Variants in DLG2 observed in about 807,000 individuals in gnomAD.
DLG2 encodes the protein discs large MAGUK scaffold protein 2.
In DLG2, 45 loss-of-function variants were observed where a neutral mutation model predicts 132.5. That is an observed-to-expected ratio of 0.34 (90% CI 0.27 to 0.44). The LOEUF (loss-of-function observed/expected upper bound fraction) is 0.44. DLG2 is among the 20% of genes least tolerant of loss of function. The probability of loss-of-function intolerance (pLI) is 1.00; values close to 1 mark genes in which losing one functional copy is unlikely to be tolerated. For missense variants in DLG2, 1,045 were observed against 1,196.9 expected (o/e 0.87, Z 1.87); for synonymous variants, 424 against 419.6 (o/e 1.01, Z -0.13).
At chr11:85,340,406 G>T (rs1247645859) in intron 3 of DLG2, among the ~76,000 whole-genome samples, 1 of 152,024 alleles carries the variant, frequency 6.6e-6, no homozygotes, top group African/African-American at 2.4e-5. Flanking sequence ...ACCAAACACT[G>T]CATGTTCTCA....
chr11:84,539,669 C>T (rs374355122), intron 6 of DLG2, among the ~76,000 whole-genome samples: 3 of 152,096 alleles, frequency 2.0e-5, no homozygotes, highest in South Asian at 2.1e-4. Context: ...GCCATTTTCA[C>T]GATATTGATT....
chr11:85,501,720 T>C (rs1387097845), intron 3 of DLG2, among the ~76,000 whole-genome samples: 1 of 152,134 alleles, frequency 6.6e-6, no homozygotes, highest in African/African-American at 2.4e-5. Context: ...CACAATTAGA[T>C]ACCATCTCAC....
At chr11:84,844,205 T>C (rs2154013916) in intron 6 of DLG2, among the ~76,000 whole-genome samples, 2 of 145,110 alleles carry the variant, frequency 1.4e-5, no homozygotes, top group South Asian at 4.4e-4. Flanking sequence ...AATATGATGA[T>C]GATGATGGTG....
At chr11:85,473,155 G>A (rs2093038577) in intron 3 of DLG2, among the ~76,000 whole-genome samples, 1 of 152,194 alleles carries the variant, frequency 6.6e-6, no homozygotes, top group Non-Finnish European at 1.5e-5. Flanking sequence ...GCAGTAGCCG[G>A]CACACCTGGC....
chr11:85,435,387 T>C (rs1366983742), intron 3 of DLG2, among the ~76,000 whole-genome samples: 2 of 152,194 alleles, frequency 1.3e-5, no homozygotes, highest in African/African-American at 4.8e-5. Flanking sequence ...TGTTTGCAGA[T>C]GACATATTCC....
intron 2 of DLG2, 88 bp from the exon 3 acceptor site, chr11:85,598,876 T>G (rs2079962118): frequency 2.5e-6 from 1 of 404,704 alleles, no homozygotes; most frequent in African/African-American, 2.1e-5. Flanking sequence ...TGTTCCTAAC[T>G]TAATGACATG....
At chr11:85,161,493 T>G (rs1045217081) in intron 4 of DLG2, among the ~76,000 whole-genome samples, 3 of 152,178 alleles carry the variant, frequency 2.0e-5, no homozygotes, top group Non-Finnish European at 4.4e-5. Flanking sequence ...TCTTCCATCA[T>G]GGAAAAGGCA....
intron 19 of DLG2, among the ~76,000 whole-genome samples, chr11:83,611,775 A>T (rs2153411661): frequency 6.6e-6 from 1 of 152,330 alleles, no homozygotes; most frequent in East Asian, 1.9e-4. Flanking sequence ...ACTGATACTG[A>T]ACTGAAGGAC....
intron 8 of DLG2, among the ~76,000 whole-genome samples, chr11:84,191,535 A>T (rs2096407663): frequency 6.6e-6 from 1 of 152,230 alleles, no homozygotes; most frequent in Non-Finnish European, 1.5e-5. Context: ...ACTTCCTCAA[A>T]GTTAAAAGAA....
chr11:85,144,661 A>C (rs915545507), intron 5 of DLG2, among the ~76,000 whole-genome samples: 11 of 151,962 alleles, frequency 7.2e-5, no homozygotes, highest in African/African-American at 2.7e-4. Context: ...AACTAATGAC[A>C]ACCTAACTGA....
intron 18 of DLG2, among the ~76,000 whole-genome samples, chr11:83,634,590 TTTCAA>T (rs530084216): frequency 2.9e-4 from 44 of 152,272 alleles, no homozygotes; most frequent in African/African-American, 9.9e-4. Context: ...ACAATTTGAT[TTTCAA>T]TTCAATTTAT....
chr11:84,060,734 C>T (rs7924443), intron 10 of DLG2, among the ~76,000 whole-genome samples: 120,774 of 151,938 alleles, frequency 0.79, 49,221 homozygotes, highest in Middle Eastern at 0.92. Flanking sequence ...CTCTGTATAT[C>T]CATTCTAGTG....
intron 4 of DLG2, among the ~76,000 whole-genome samples, chr11:85,156,985 A>G (rs1327647915): frequency 2.6e-5 from 4 of 152,208 alleles, no homozygotes; most frequent in Admixed American, 2.6e-4. Context: ...AAAGATTAAC[A>G]TTTGAGTGAG....
intron 8 of DLG2, among the ~76,000 whole-genome samples, chr11:84,196,121 T>A (rs2096511390): frequency 6.6e-6 from 1 of 152,212 alleles, no homozygotes; most frequent in Non-Finnish European, 1.5e-5. Flanking sequence ...TTTTAAAAAA[T>A]TTAACCCCAA....
At chr11:84,086,358 A>T (rs2096980023) in intron 10 of DLG2, among the ~76,000 whole-genome samples, 1 of 152,236 alleles carries the variant, frequency 6.6e-6, no homozygotes, top group Non-Finnish European at 1.5e-5. Context: ...TTGAGATATA[A>T]TTCACATACT....
At chr11:84,409,816 A>T (rs983981278) in intron 7 of DLG2, among the ~76,000 whole-genome samples, 2 of 152,298 alleles carry the variant, frequency 1.3e-5, no homozygotes, top group African/African-American at 4.8e-5. Flanking sequence ...AAAATGGTTC[A>T]TTTGTATGTT....
intron 6 of DLG2, among the ~76,000 whole-genome samples, chr11:84,539,564 G>A (rs1440631326): frequency 2.0e-5 from 3 of 152,148 alleles, no homozygotes; most frequent in African/African-American, 7.2e-5. Flanking sequence ...TGTTGAAGGG[G>A]ACTTGAGTAA....
rs541246520 is a variant in DLG2, at chr11:83,867,898, G to A, written c.1565+6522C>T. ...TGATGACACCTTTTATATTTTAAGC[G>A]CTACACATGTAAGGAAAAAGATTAT... On this transcript the variant is annotated intron_variant, in intron 16 of 27. Transcript: ENST00000376104. 3.5e-4 allele frequency among the ~76,000 whole-genome samples: 53 copies of A among 152,102 alleles called. 1 individual carries two copies. The South Asian group carries it at 9.8e-3, about 28-fold the overall frequency.
Position 83,917,930 on chromosome 11 carries a change from T to C in DLG2, c.1496+12398A>G, listed in dbSNP as rs181907835. 1.1e-3 allele frequency among the ~76,000 whole-genome samples: 173 copies of C among 152,292 alleles called. No homozygotes were observed. In the Middle Eastern group the frequency reaches 0.017, roughly 15 times the overall value. ...TTCTGGCTGTTCTTGAAGTTCATTA[T>C]TCCCTTAGGCATTATGGGATGAAAG... On this transcript the variant is annotated intron_variant, in intron 15 of 27. Coordinates refer to ENST00000376104, the MANE Select transcript of DLG2 (RefSeq NM_001142699.3).
Sources: gnomAD v4.1 joint callset for allele counts (sites outside exome capture counted in the v4.1 genomes callset) on GRCh38, gnomAD v4.1.1 for gene constraint, MANE v1.5 for transcripts, NCBI Gene and HGNC (gene_info 2026-07-23, HGNC 2026-07-21) for gene names.